Variants in PPFIBP2 observed in about 807,000 individuals in gnomAD.
PPFIBP2 encodes liprin-beta-2.
PPFIBP2 carries 118 observed loss-of-function variants against 118.3 expected under a neutral mutation model. The ratio of observed to expected loss-of-function variants is 1.00; its 90% CI spans 0.86 to 1.16. PPFIBP2 has a LOEUF of 1.16. Ranked by LOEUF, PPFIBP2 falls within the 50% of genes most tolerant of loss-of-function variation. The pLI, the probability that PPFIBP2 is intolerant of heterozygous loss-of-function variation, is 0.00. For missense variants in PPFIBP2, 1,195 were observed against 1,073.1 expected (o/e 1.11, Z -1.59); for synonymous variants, 414 against 397.4 (o/e 1.04, Z -0.50).
chr11:7,620,437 C>A (rs1849207730), intron 6 of PPFIBP2, among the ~76,000 whole-genome samples: 1 of 152,160 alleles, frequency 6.6e-6, no homozygotes, highest in Non-Finnish European at 1.5e-5. Flanking sequence ...CTATATTTGG[C>A]CCTTAACATT....
intron 12 of PPFIBP2, among the ~76,000 whole-genome samples, 162 bp from the exon 13 acceptor site, chr11:7,634,333 A>G (rs1851168531): frequency 6.6e-6 from 1 of 152,232 alleles, no homozygotes; most frequent in Admixed American, 6.5e-5. Context: ...AAGGTGGGCC[A>G]GTCTCATTTT....
chr11:7,552,042 G>C (rs117570206), intron 2 of PPFIBP2, among the ~76,000 whole-genome samples: 8 of 152,196 alleles, frequency 5.3e-5, no homozygotes, highest in Non-Finnish European at 1.0e-4. Context: ...ATCTAGAAGG[G>C]CTCCTGGGCT....
intron 2 of PPFIBP2, among the ~76,000 whole-genome samples, chr11:7,559,163 A>G (rs1432333972): frequency 6.6e-6 from 1 of 152,198 alleles, no homozygotes; most frequent in Non-Finnish European, 1.5e-5. Context: ...GAATTCCCCA[A>G]AGAGAAACTT....
intron 1 of PPFIBP2, among the ~76,000 whole-genome samples, chr11:7,532,475 T>C (rs1022178187): frequency 2.6e-5 from 4 of 152,178 alleles, no homozygotes; most frequent in African/African-American, 9.7e-5. Context: ...CCTGCCAACC[T>C]TGGGACCAGG....
At chr11:7,572,963 A>G (rs181191017) in intron 3 of PPFIBP2, among the ~76,000 whole-genome samples, 316 of 152,252 alleles carry the variant, frequency 2.1e-3, no homozygotes, top group African/African-American at 7.3e-3. Flanking sequence ...TATTTTTCGT[A>G]GAGACGGTGT....
At chr11:7,564,232 A>G (rs1159083092) in intron 2 of PPFIBP2, among the ~76,000 whole-genome samples, 3 of 152,176 alleles carry the variant, frequency 2.0e-5, no homozygotes, top group African/African-American at 4.8e-5. Flanking sequence ...AGCTGACCCA[A>G]TATACCAGAT....
chr11:7,550,634 G>A (rs1852867876), intron 2 of PPFIBP2, among the ~76,000 whole-genome samples: 1 of 152,194 alleles, frequency 6.6e-6, no homozygotes, highest in African/African-American at 2.4e-5. Context: ...CATAGACTGG[G>A]ATGTCGTGAT....
intron 3 of PPFIBP2, among the ~76,000 whole-genome samples, chr11:7,585,368 C>T (rs1857959041): frequency 6.6e-6 from 1 of 152,198 alleles, no homozygotes. Flanking sequence ...TAGGTTTTCC[C>T]ACACTCCTTA....
chr11:7,655,892 G>A (rs573265654), downstream of PPFIBP2, among the ~76,000 whole-genome samples: 1 of 152,304 alleles, frequency 6.6e-6, no homozygotes, highest in African/African-American at 2.4e-5. Context: ...TCTGCCCAGA[G>A]ACATATGCAT....
intron 5 of PPFIBP2, among the ~76,000 whole-genome samples, chr11:7,608,316 G>A (rs1847639584): frequency 6.6e-6 from 1 of 152,162 alleles, no homozygotes; most frequent in Non-Finnish European, 1.5e-5. Flanking sequence ...ACTAAAATGA[G>A]TTCTGGAGTC....
At chr11:7,608,439 A>T (rs890045863) in intron 5 of PPFIBP2, among the ~76,000 whole-genome samples, 1 of 152,012 alleles carries the variant, frequency 6.6e-6, no homozygotes, top group Non-Finnish European at 1.5e-5. Flanking sequence ...TCAGGAGTTC[A>T]AGACCAGCCT....
intron 16 of PPFIBP2, chr11:7,642,075 C>T (rs904362546): frequency 9.6e-6 from 5 of 520,578 alleles, no homozygotes; most frequent in African/African-American, 1.9e-5. Context: ...GCTTTGACTT[C>T]TATGGCAAGT....
In PPFIBP2 at chr11:7,584,003, A is replaced by G. The variant is rs540490399; in HGVS notation, c.280-9129A>G. Among the ~76,000 whole-genome samples, 6 of 152,262 alleles carry G rather than the reference A, an allele frequency of 3.9e-5. No individual in the cohort carries two copies. In the South Asian group the frequency reaches 1.2e-3, roughly 32 times the overall value. ...AGCCTCTTCTCTCTTTTGAAGGTGA[A>G]ATGTTTTTGTCTCTCCTCTATGCCC... On this transcript the variant is annotated intron_variant, in intron 3 of 23. Coordinates refer to ENST00000299492, the MANE Select transcript of PPFIBP2 (RefSeq NM_003621.5).
intron 9 of PPFIBP2, 25 bp from the exon 10 acceptor site, chr11:7,629,434 T>TA (rs1850461948): frequency 6.2e-7 from 1 of 1,608,468 alleles, no homozygotes; most frequent in East Asian, 2.2e-5. Flanking sequence ...AGCATTAATC[T>TA]AAATCTCTAC....
At chr11:7,663,472 T>C in the PPFIBP2 span, among the ~76,000 whole-genome samples, 225 of 152,270 alleles carry the variant, frequency 1.5e-3, 3 homozygotes, top group African/African-American at 5.1e-3. Flanking sequence ...GGGTCAGTGG[T>C]CAGGGACCCA....
At chr11:7,547,296 G>T (rs944622079) in intron 1 of PPFIBP2, among the ~76,000 whole-genome samples, 25 of 152,142 alleles carry the variant, frequency 1.6e-4, no homozygotes, top group African/African-American at 5.8e-4. Flanking sequence ...TTGCAGAGGA[G>T]GGAAGGTCTT....
At chr11:7,554,292 G>A (rs72849070) in intron 2 of PPFIBP2, among the ~76,000 whole-genome samples, 7,523 of 152,194 alleles carry the variant, frequency 0.049, 234 homozygotes, top group African/African-American at 0.1. Flanking sequence ...CACTTACACA[G>A]AAACAACACA....
downstream of PPFIBP2, among the ~76,000 whole-genome samples, chr11:7,657,974 A>G (rs994577882): frequency 2.0e-5 from 3 of 152,176 alleles, no homozygotes; most frequent in African/African-American, 4.8e-5. Flanking sequence ...ACTCCTTCGC[A>G]TGTGTGTGTT....
chr11:7,573,198 C>A (rs1855852893), intron 3 of PPFIBP2, among the ~76,000 whole-genome samples: 1 of 152,132 alleles, frequency 6.6e-6, no homozygotes, highest in Admixed American at 6.6e-5. Flanking sequence ...GGCCCCATAC[C>A]CAATCTACTG....
Sources: allele counts gnomAD v4.1 joint callset (sites outside exome capture counted in the v4.1 genomes callset), GRCh38; gene constraint gnomAD v4.1.1; transcripts MANE v1.5; gene names NCBI Gene and HGNC (gene_info 2026-07-23, HGNC 2026-07-21).